Variants in ZNF804B observed in about 807,000 individuals in gnomAD.
The protein encoded by ZNF804B is zinc finger protein 804B, also known as zinc finger 804B.
A neutral mutation model predicts 101.4 loss-of-function variants in ZNF804B; 80 were observed. That is an observed-to-expected ratio of 0.79 (90% CI 0.66 to 0.95). ZNF804B has a LOEUF of 0.95. ZNF804B is among the 40% of genes least tolerant of loss of function. The pLI, the probability that ZNF804B is intolerant of heterozygous loss-of-function variation, is 0.00. For synonymous variants in ZNF804B, 622 were observed against 558.8 expected, an observed-to-expected ratio of 1.11 and a Z score of -1.59; for missense variants, 1,673 against 1,561.9, an observed-to-expected ratio of 1.07 and a Z score of -1.20.
At chr7:88,857,312 A>T (rs543259019) in intron 1 of ZNF804B, among the ~76,000 whole-genome samples, 2 of 152,200 alleles carry the variant, frequency 1.3e-5, no homozygotes, top group Non-Finnish European at 2.9e-5. Flanking sequence ...CAAAAAATCA[A>T]TGAATCCAGG....
chr7:89,100,296 A>G (rs746006365), intron 1 of ZNF804B, among the ~76,000 whole-genome samples: 1 of 152,144 alleles, frequency 6.6e-6, no homozygotes. Context: ...ATCACTTACC[A>G]TTTATAAAAA....
At chr7:88,851,374 C>A (rs1487611383) in intron 1 of ZNF804B, among the ~76,000 whole-genome samples, 2 of 151,972 alleles carry the variant, frequency 1.3e-5, no homozygotes, top group Non-Finnish European at 2.9e-5. Context: ...ATCTTAAAAG[C>A]AGCCAAAGGA....
intron 1 of ZNF804B, among the ~76,000 whole-genome samples, chr7:89,181,010 G>A (rs550742086): frequency 1.3e-5 from 2 of 151,454 alleles, no homozygotes; most frequent in East Asian, 3.9e-4. Context: ...TGAAATGGGG[G>A]CCTTAAAACT....
intron 2 of ZNF804B, among the ~76,000 whole-genome samples, chr7:89,310,215 G>T (rs2115943168): frequency 6.6e-6 from 1 of 152,216 alleles, no homozygotes; most frequent in Middle Eastern, 3.4e-3. Context: ...TTAAGTTGGA[G>T]GAAACTGAAA....
chr7:89,146,190 G>A (rs1195737876), intron 1 of ZNF804B, among the ~76,000 whole-genome samples: 1 of 152,020 alleles, frequency 6.6e-6, no homozygotes, highest in East Asian at 1.9e-4. Context: ...TTCAAAAGAT[G>A]AAGAAAATCA....
At chr7:88,862,284 A>G (rs1402368038) in intron 1 of ZNF804B, among the ~76,000 whole-genome samples, 1 of 152,168 alleles carries the variant, frequency 6.6e-6, no homozygotes, top group African/African-American at 2.4e-5. Flanking sequence ...TCAAGGCACC[A>G]TGTCTGACAC....
intron 1 of ZNF804B, among the ~76,000 whole-genome samples, chr7:88,942,345 T>C (rs1204285530): frequency 1.3e-5 from 2 of 152,004 alleles, no homozygotes; most frequent in Non-Finnish European, 2.9e-5. Context: ...AGTGCTATTA[T>C]AGTTTTCATA....
chr7:89,041,548 G>T (rs1220051545), intron 1 of ZNF804B, among the ~76,000 whole-genome samples: 13 of 152,146 alleles, frequency 8.5e-5, no homozygotes. Context: ...CTGGAGACTT[G>T]GTCTTTAAGG....
intron 1 of ZNF804B, among the ~76,000 whole-genome samples, chr7:89,067,033 A>G (rs1451112724): frequency 6.6e-6 from 1 of 152,124 alleles, no homozygotes; most frequent in Non-Finnish European, 1.5e-5. Context: ...ACCAAATTGT[A>G]TAAGCTTCAC....
intron 1 of ZNF804B, among the ~76,000 whole-genome samples, chr7:88,999,316 C>T (rs956369107): frequency 2.0e-5 from 3 of 151,840 alleles, no homozygotes; most frequent in Non-Finnish European, 4.4e-5. Flanking sequence ...TATAAAATTG[C>T]TGTTTTTGTT....
chr7:88,787,571 A>G (rs1790320845), intron 1 of ZNF804B, among the ~76,000 whole-genome samples: 1 of 152,162 alleles, frequency 6.6e-6, no homozygotes, highest in Admixed American at 6.6e-5. Flanking sequence ...GAATTCTGTA[A>G]TGAAGTGTTT....
chr7:89,227,370 C>T (rs987698463), intron 2 of ZNF804B, among the ~76,000 whole-genome samples: 14 of 152,270 alleles, frequency 9.2e-5, no homozygotes, highest in African/African-American at 3.1e-4. Flanking sequence ...TCTCTTCCTA[C>T]AACAAAAATT....
intron 2 of ZNF804B, among the ~76,000 whole-genome samples, chr7:89,283,414 T>C (rs1790129815): frequency 6.6e-6 from 1 of 152,178 alleles, no homozygotes; most frequent in Non-Finnish European, 1.5e-5. Flanking sequence ...TGTGTATGTG[T>C]ATTAGAGCCC....
intron 1 of ZNF804B, among the ~76,000 whole-genome samples, chr7:88,804,551 A>G (rs2115719418): frequency 6.6e-6 from 1 of 152,198 alleles, no homozygotes; most frequent in Admixed American, 6.6e-5. Context: ...TTATGACTTA[A>G]CTAACACACA....
At chr7:89,060,703 G>A (rs998498274) in intron 1 of ZNF804B, among the ~76,000 whole-genome samples, 15 of 152,066 alleles carry the variant, frequency 9.9e-5, no homozygotes, top group African/African-American at 3.6e-4. Context: ...CCAGTACTGA[G>A]ATATATATTG....
chr7:89,279,386 A>T (rs1030165880), intron 2 of ZNF804B, among the ~76,000 whole-genome samples: 3 of 150,516 alleles, frequency 2.0e-5, no homozygotes, highest in African/African-American at 7.4e-5. Flanking sequence ...TTCCAACACT[A>T]TGTTGAATAG....
intron 1 of ZNF804B, among the ~76,000 whole-genome samples, chr7:88,936,602 G>C (rs1390825081): frequency 6.6e-6 from 1 of 152,076 alleles, no homozygotes; most frequent in Non-Finnish European, 1.5e-5. Context: ...TGGAATATGA[G>C]TGACACTGAA....
chr7:89,151,695 C>T (rs1040420399), intron 1 of ZNF804B, among the ~76,000 whole-genome samples: 1 of 131,506 alleles, frequency 7.6e-6, no homozygotes, highest in African/African-American at 2.8e-5. Flanking sequence ...TTCTTCAGAT[C>T]TCCTGAAAAA....
intron 1 of ZNF804B, among the ~76,000 whole-genome samples, chr7:88,963,833 T>A (rs1793421372): frequency 6.6e-6 from 1 of 150,882 alleles, no homozygotes; most frequent in Non-Finnish European, 1.5e-5. Context: ...AACAAACAAA[T>A]AAACAAAAAA....
Sources: allele counts gnomAD v4.1 joint callset (sites outside exome capture counted in the v4.1 genomes callset), GRCh38; gene constraint gnomAD v4.1.1; transcripts MANE v1.5; gene names NCBI Gene and HGNC (gene_info 2026-07-23, HGNC 2026-07-21).